Variants in EPHA7 observed in about 807,000 individuals in gnomAD.
EPHA7 encodes ephrin type-A receptor 7.
Under a neutral mutation model 112.6 loss-of-function variants are expected in EPHA7, and 25 were observed. That is an observed-to-expected ratio of 0.22 (90% CI 0.16 to 0.31). The LOEUF (loss-of-function observed/expected upper bound fraction) is 0.31, where lower values mean the gene tolerates loss of function less well. EPHA7 is among the 10% of genes least tolerant of loss of function. The probability of loss-of-function intolerance (pLI) is 1.00; values close to 1 mark genes in which losing one functional copy is unlikely to be tolerated. For missense variants in EPHA7, 962 were observed against 1,212.6 expected (o/e 0.79, Z 3.07); for synonymous variants, 437 against 406.5 (o/e 1.07, Z -0.90).
rs187129528 is a variant in EPHA7 at position 93,306,542 on chromosome 6, G to A, written c.1325-34120C>T. 3.4e-4 allele frequency among the ~76,000 whole-genome samples: 51 copies of A among 151,984 alleles called. 1 individual carries two copies. Among genetic ancestry groups the A allele is most frequent in the African/African-American group, 1.2e-3 (50 of 41,538 alleles). ...AGAGTAAAACAAAGACCTAAATAAAGCTAGGTCATATTTCATGTAAACTAT... is the reference window on the plus strand; with the variant it reads ...AGAGTAAAACAAAGACCTAAATAAAACTAGGTCATATTTCATGTAAACTAT... On this transcript the variant is annotated intron_variant, in intron 5 of 16. Coordinates refer to ENST00000369303, the MANE Select transcript of EPHA7 (RefSeq NM_004440.4).
At chr6:93,289,453 A>G (rs916023655) in intron 5 of EPHA7, among the ~76,000 whole-genome samples, 2 of 151,006 alleles carry the variant, frequency 1.3e-5, no homozygotes, top group Admixed American at 6.6e-5. Flanking sequence ...TCCCGTCTCT[A>G]CTAAAAATAC....
At chr6:93,338,429 G>T (rs1445383343) in intron 5 of EPHA7, among the ~76,000 whole-genome samples, 1 of 151,988 alleles carries the variant, frequency 6.6e-6, no homozygotes, top group Non-Finnish European at 1.5e-5. Context: ...AAGTTACAGA[G>T]GGATATTCTG....
chr6:93,250,485 T>C (rs1246451061), intron 14 of EPHA7, among the ~76,000 whole-genome samples: 1 of 152,086 alleles, frequency 6.6e-6, no homozygotes, highest in Non-Finnish European at 1.5e-5. Flanking sequence ...AAAGAATGTG[T>C]GGCGCACAGG....
chr6:93,346,732 C>T (rs1215540890), intron 5 of EPHA7, among the ~76,000 whole-genome samples: 1 of 151,708 alleles, frequency 6.6e-6, no homozygotes, highest in African/African-American at 2.4e-5. Context: ...AAGTAAAGAG[C>T]ATGTGGTCCA....
At chr6:93,346,442 G>C (rs1775410441) in intron 5 of EPHA7, among the ~76,000 whole-genome samples, 1 of 151,680 alleles carries the variant, frequency 6.6e-6, no homozygotes, top group Admixed American at 6.6e-5. Flanking sequence ...ATAGAACCAA[G>C]CAAATCAGGT....
intron 5 of EPHA7, among the ~76,000 whole-genome samples, chr6:93,286,103 A>G (rs1417997751): frequency 1.3e-5 from 2 of 152,142 alleles, no homozygotes; most frequent in Non-Finnish European, 2.9e-5. Context: ...TTCAAGTAAG[A>G]AAACTCAAAA....
intron 6 of EPHA7, 98 bp from the exon 7 acceptor site, chr6:93,269,758 T>C (rs1771120310): frequency 3.1e-6 from 3 of 956,636 alleles, no homozygotes; most frequent in Non-Finnish European, 4.6e-6. Context: ...CCATTGTTTT[T>C]ATAGAGGCTA....
At position 93,245,178 on chromosome 6, in the gene EPHA7, AT is replaced by A. The variant is rs368394781; in HGVS notation, c.2882+119del. The A allele has an allele frequency of 1.4e-3, 1,320 of 958,050 alleles. 12 individuals are homozygous for A. The African/African-American group carries it at 0.016, about 12-fold the overall frequency. 59.3% of individuals were successfully genotyped at this position (958,050 alleles called of 1,614,324 possible). On this transcript the variant is annotated intron_variant, in intron 16 of 16. Coordinates refer to ENST00000369303, the MANE Select transcript of EPHA7 (RefSeq NM_004440.4). ...CGCAGTAAGAACTTGTTAAAGAAGT[AT>A]TTTTTTTATCTTGATTTTGGGATTC...
chr6:93,246,765 G>C (rs778814784), intron 15 of EPHA7, 27 bp downstream of exon 15: 1 of 1,560,378 alleles, frequency 6.4e-7, no homozygotes, highest in Non-Finnish European at 8.8e-7. Context: ...ATTTCTCCCA[G>C]ATTCCATTCC....
chr6:93,338,658 T>A lies in EPHA7; in HGVS notation c.1324+18059A>T, dbSNP rs191136316. On this transcript the variant is annotated intron_variant, in intron 5 of 16. Coordinates refer to ENST00000369303, the MANE Select transcript of EPHA7 (RefSeq NM_004440.4). ...AATAAAATGGTTATTTTTCATTCTTTTATTTGTTTAATGGAGGTGAGATAC... is the reference window on the plus strand; with the variant it reads ...AATAAAATGGTTATTTTTCATTCTTATATTTGTTTAATGGAGGTGAGATAC... 5.3e-5 allele frequency among the ~76,000 whole-genome samples: 8 copies of A among 152,086 alleles called. No homozygotes were observed. The East Asian group carries it at 1.4e-3, about 26-fold the overall frequency.
intron 5 of EPHA7, among the ~76,000 whole-genome samples, chr6:93,343,739 C>G (rs1775254951): frequency 6.6e-6 from 1 of 151,582 alleles, no homozygotes; most frequent in African/African-American, 2.4e-5. Flanking sequence ...TCCATTCATC[C>G]ATTTCATCCT....
intron 5 of EPHA7, among the ~76,000 whole-genome samples, chr6:93,310,648 C>T (rs1041789797): frequency 4.0e-5 from 6 of 149,116 alleles, no homozygotes; most frequent in South Asian, 2.1e-4. Flanking sequence ...TATGACACAG[C>T]GAGACTCCGT....
intron 14 of EPHA7, among the ~76,000 whole-genome samples, chr6:93,254,003 A>G (rs536084057): frequency 6.6e-6 from 1 of 152,162 alleles, no homozygotes; most frequent in East Asian, 1.9e-4. Context: ...ATGGACTACC[A>G]TCAGTTTCTT....
Position 93,259,551 on chromosome 6 carries a change from T to A in EPHA7, c.1799-72A>T, listed in dbSNP as rs547614402. The A allele has an allele frequency of 4.2e-5, 65 of 1,565,300 alleles. No individual in the cohort carries two copies. In the African/African-American group the frequency reaches 8.4e-4, roughly 20 times the overall value. On this transcript the variant is annotated intron_variant, in intron 9 of 16. Transcript: ENST00000369303. ...TTGTGCAGTCAGCCCAGGAATTTCA[T>A]TATGCAGAGTGCTCCTTGGAACAGT...
chr6:93,320,197 ATAT>A (rs1209140938), intron 5 of EPHA7, among the ~76,000 whole-genome samples: 1 of 151,976 alleles, frequency 6.6e-6, no homozygotes, highest in Non-Finnish European at 1.5e-5. Context: ...ATTGTATCTG[ATAT>A]TATATTTTCA....
intron 5 of EPHA7, among the ~76,000 whole-genome samples, chr6:93,294,364 T>A (rs912415100): frequency 6.6e-6 from 1 of 152,200 alleles, no homozygotes; most frequent in East Asian, 1.9e-4. Flanking sequence ...GTAGTCTAAA[T>A]TTAAGTCCCA....
At chr6:93,334,086 G>A (rs1310935287) in intron 5 of EPHA7, among the ~76,000 whole-genome samples, 9 of 151,768 alleles carry the variant, frequency 5.9e-5, no homozygotes, top group Non-Finnish European at 1.0e-4. Context: ...AGAATAGAGA[G>A]CCCAGAAATA....
chr6:93,381,164 A>G (rs1777315461), intron 3 of EPHA7, among the ~76,000 whole-genome samples: 2 of 152,212 alleles, frequency 1.3e-5, no homozygotes, highest in Non-Finnish European at 2.9e-5. Context: ...TTGCCATTTT[A>G]AAATTTATCT....
chr6:93,398,656 A>C (rs2127987490), intron 3 of EPHA7, among the ~76,000 whole-genome samples: 1 of 152,124 alleles, frequency 6.6e-6, no homozygotes, highest in Middle Eastern at 3.4e-3. Flanking sequence ...ATGAAGGATG[A>C]GGCATATTAG....
Sources: allele counts gnomAD v4.1 joint callset (sites outside exome capture counted in the v4.1 genomes callset), GRCh38; gene constraint gnomAD v4.1.1; transcripts MANE v1.5; gene names NCBI Gene and HGNC (gene_info 2026-07-23, HGNC 2026-07-21).